The following LOC122539214 variants were observed in gnomAD, a reference collection of about 807,000 sequenced individuals.
chr19:52,672,009 G>T, the LOC122539214 span, among the ~76,000 whole-genome samples: 1 of 152,126 alleles, frequency 6.6e-6, no homozygotes, highest in Non-Finnish European at 1.5e-5. Context: ...GAGGCAGGTG[G>T]ATGACCCAGA....
chr19:52,655,216 A>T, the LOC122539214 span: 1 of 240,344 alleles, frequency 4.2e-6, no homozygotes, highest in Non-Finnish European at 7.9e-6. Context: ...AAGCAGAATC[A>T]CAGCTGGAAA....
At chr19:52,681,097 C>A in the LOC122539214 span, among the ~76,000 whole-genome samples, 1 of 151,442 alleles carries the variant, frequency 6.6e-6, no homozygotes, top group East Asian at 2.0e-4. Context: ...CCAGCCTGGC[C>A]AACATGGTAA....
chr19:52,657,365 T>G, the LOC122539214 span, among the ~76,000 whole-genome samples: 1 of 151,948 alleles, frequency 6.6e-6, no homozygotes, highest in Non-Finnish European at 1.5e-5. Context: ...TATCAGGAAT[T>G]TGGGAGGCTG....
chr19:52,677,329 AAC>A, the LOC122539214 span, among the ~76,000 whole-genome samples: 19 of 129,028 alleles, frequency 1.5e-4, no homozygotes, highest in Non-Finnish European at 1.6e-4. Context: ...AAAAAAAAAA[AAC>A]AAAAATTAGC....
chr19:52,673,873 G>A, the LOC122539214 span, among the ~76,000 whole-genome samples: 41 of 151,358 alleles, frequency 2.7e-4, no homozygotes, highest in South Asian at 1.5e-3. Context: ...AAAATTAACC[G>A]GGCCTGGTGG....
the LOC122539214 span, among the ~76,000 whole-genome samples, chr19:52,667,201 G>T: frequency 1.4e-5 from 2 of 147,842 alleles, no homozygotes; most frequent in Admixed American, 6.8e-5. Flanking sequence ...AGTTCACTTT[G>T]GGAAAGAATG....
At chr19:52,655,645 C>G in the LOC122539214 span, 1 of 1,391,164 alleles carries the variant, frequency 7.2e-7, no homozygotes, top group Admixed American at 1.7e-5. Flanking sequence ...TTCCACTCCT[C>G]CAAAGAGAAT....
the LOC122539214 span, among the ~76,000 whole-genome samples, chr19:52,687,616 G>GTATATATATATATAATGTA: frequency 5.1e-4 from 8 of 15,822 alleles, 1 homozygote; most frequent in Admixed American, 2.8e-3. Flanking sequence ...TATATAATGT[G>GTATATATATATATAATGTA]TATATATATA....
At chr19:52,689,829 T>C in the LOC122539214 span, among the ~76,000 whole-genome samples, 10 of 152,152 alleles carry the variant, frequency 6.6e-5, no homozygotes, top group South Asian at 2.1e-4. Flanking sequence ...CGGAGGAGCT[T>C]ATTTTCCAGG....
chr19:52,651,054 G>A, the LOC122539214 span: 11 of 152,182 alleles, frequency 7.2e-5, no homozygotes, highest in Non-Finnish European at 1.6e-4. Context: ...TACTTGAACT[G>A]TGCATGTCTC....
At chr19:52,678,218 C>T in the LOC122539214 span, among the ~76,000 whole-genome samples, 2 of 151,380 alleles carry the variant, frequency 1.3e-5, no homozygotes, top group African/African-American at 2.4e-5. Flanking sequence ...TTTGGGAGGT[C>T]GAGGCAGGTA....
At chr19:52,684,596 T>C in the LOC122539214 span, among the ~76,000 whole-genome samples, 1 of 149,852 alleles carries the variant, frequency 6.7e-6, no homozygotes, top group African/African-American at 2.5e-5. Flanking sequence ...TCTGATATGA[T>C]TGATGCAGAG....
At chr19:52,655,316 A>C in the LOC122539214 span, 8 of 383,904 alleles carry the variant, frequency 2.1e-5, 1 homozygote, top group South Asian at 3.2e-4. Flanking sequence ...CTCTGCTTAG[A>C]GCAGGATGAC....
At chr19:52,676,047 C>T in the LOC122539214 span, among the ~76,000 whole-genome samples, 17 of 152,142 alleles carry the variant, frequency 1.1e-4, no homozygotes, top group Non-Finnish European at 4.4e-5. Context: ...CTCTCGCTCT[C>T]CCTCTCCCTC....
the LOC122539214 span, among the ~76,000 whole-genome samples, chr19:52,671,542 C>G: frequency 5.9e-5 from 9 of 151,968 alleles, no homozygotes; most frequent in South Asian, 4.1e-4. Flanking sequence ...CTCTGGTGCT[C>G]AAGCAATCCT....
the LOC122539214 span, among the ~76,000 whole-genome samples, chr19:52,679,095 A>T: frequency 6.6e-6 from 1 of 152,220 alleles, no homozygotes; most frequent in African/African-American, 2.4e-5. Context: ...AAATTGAACA[A>T]AGGTTTTCTT....
the LOC122539214 span, among the ~76,000 whole-genome samples, chr19:52,671,043 G>C: frequency 7.2e-5 from 11 of 152,166 alleles, no homozygotes; most frequent in African/African-American, 2.7e-4. Context: ...GTAGGGCCTA[G>C]AAGAAAAAGA....
chr19:52,652,965 C>A, the LOC122539214 span: 1 of 1,296,956 alleles, frequency 7.7e-7, no homozygotes, highest in Non-Finnish European at 1.1e-6. Flanking sequence ...TCTTGCCACA[C>A]TCATTACACC....
the LOC122539214 span, among the ~76,000 whole-genome samples, chr19:52,664,966 T>A: frequency 3.9e-5 from 6 of 152,064 alleles, no homozygotes; most frequent in Non-Finnish European, 7.4e-5. Flanking sequence ...TCCAGGAAAG[T>A]TCCTTACTAT....
Sources: gnomAD v4.1 joint callset for allele counts (sites outside exome capture counted in the v4.1 genomes callset) on GRCh38, gnomAD v4.1.1 for gene constraint, MANE v1.5 for transcripts.